Variants in RAB2A observed in about 807,000 individuals in gnomAD.
RAB2A encodes the protein RAB2A, member RAS oncogene family.
Under a neutral mutation model 32.5 loss-of-function variants are expected in RAB2A, and 7 were observed. The ratio of observed to expected loss-of-function variants is 0.22; its 90% CI spans 0.12 to 0.40. RAB2A has a LOEUF of 0.40. Among genes scored for constraint, RAB2A ranks in the 10% least tolerant of loss-of-function variants. RAB2A has a pLI of 1.00. For missense variants in RAB2A, 108 were observed against 260.7 expected, an observed-to-expected ratio of 0.41 and a Z score of 4.03; for synonymous variants, 79 against 85.2, an observed-to-expected ratio of 0.93 and a Z score of 0.40.
chr8:60,591,344 A>G (rs1175296394), intron 5 of RAB2A, among the ~76,000 whole-genome samples: 1 of 148,050 alleles, frequency 6.8e-6, no homozygotes, highest in East Asian at 2.0e-4. Flanking sequence ...TGTCTATATC[A>G]ATTTTGCTTT....
chr8:60,524,268 C>G (rs1807345556), intron 1 of RAB2A, among the ~76,000 whole-genome samples: 1 of 152,158 alleles, frequency 6.6e-6, no homozygotes, highest in Non-Finnish European at 1.5e-5. Flanking sequence ...AATTCTTCAG[C>G]TCTCCTCCTC....
At chr8:60,620,259 C>T (rs1804507803) in intron 7 of RAB2A, among the ~76,000 whole-genome samples, 1 of 152,210 alleles carries the variant, frequency 6.6e-6, no homozygotes, top group Non-Finnish European at 1.5e-5. Flanking sequence ...CTCATATGCC[C>T]TTAGCCTGTA....
intron 3 of RAB2A, among the ~76,000 whole-genome samples, chr8:60,577,184 T>C (rs1442347466): frequency 3.3e-5 from 5 of 151,994 alleles, no homozygotes; most frequent in Non-Finnish European, 5.9e-5. Flanking sequence ...TACCTGGGAC[T>C]ACAGGCACTC....
intron 6 of RAB2A, among the ~76,000 whole-genome samples, chr8:60,605,762 T>C (rs1450848751): frequency 1.3e-5 from 2 of 151,464 alleles, no homozygotes; most frequent in Non-Finnish European, 2.9e-5. Context: ...ACCCAATGCC[T>C]GTGTCCCCAT....
intron 1 of RAB2A, among the ~76,000 whole-genome samples, chr8:60,521,728 C>G (rs963632416): frequency 1.3e-5 from 2 of 152,178 alleles, no homozygotes; most frequent in Non-Finnish European, 2.9e-5. Flanking sequence ...TCAAGCGATT[C>G]TCCTGCCTCA....
chr8:60,618,313 C>A (rs139971077), intron 6 of RAB2A, among the ~76,000 whole-genome samples: 116 of 152,242 alleles, frequency 7.6e-4, no homozygotes, highest in Non-Finnish European at 1.4e-3. Flanking sequence ...CCTTCTATTT[C>A]GACTTGAGTG....
chr8:60,529,325 AGC>A (rs1807441093), intron 1 of RAB2A, among the ~76,000 whole-genome samples: 1 of 152,182 alleles, frequency 6.6e-6, no homozygotes, highest in Non-Finnish European at 1.5e-5. Flanking sequence ...ACTTGATATT[AGC>A]GTGGATTATA....
chr8:60,540,412 A>G (rs1449095755), intron 1 of RAB2A, among the ~76,000 whole-genome samples: 2 of 152,124 alleles, frequency 1.3e-5, no homozygotes, highest in Admixed American at 1.3e-4. Context: ...GTTAAAAATG[A>G]AGATCATTTT....
At chr8:60,558,496 T>G in intron 1 of RAB2A, 1 of 507,026 alleles carries the variant, frequency 2.0e-6, no homozygotes. Flanking sequence ...CTATTAACTA[T>G]GCTTTAAATA....
At chr8:60,559,236 G>A (rs1262286767) in intron 2 of RAB2A, 5 of 250,170 alleles carry the variant, frequency 2.0e-5, no homozygotes, top group Non-Finnish European at 7.9e-6. Context: ...TCAGCTTGCT[G>A]GAAGTTAAAT....
intron 1 of RAB2A, among the ~76,000 whole-genome samples, chr8:60,525,482 G>A (rs904996242): frequency 3.9e-5 from 6 of 152,236 alleles, no homozygotes; most frequent in Middle Eastern, 3.4e-3. Context: ...TACAGTGGTA[G>A]AACAAAGATC....
chr8:60,605,749 T>C (rs1038531422), intron 6 of RAB2A, among the ~76,000 whole-genome samples: 1 of 151,600 alleles, frequency 6.6e-6, no homozygotes, highest in Non-Finnish European at 1.5e-5. Flanking sequence ...AATGGGAGTA[T>C]TTACCCAATG....
chr8:60,594,577 C>T (rs56362746), intron 6 of RAB2A, among the ~76,000 whole-genome samples: 6,807 of 152,228 alleles, frequency 0.045, 249 homozygotes, highest in East Asian at 0.16. Flanking sequence ...TGGTTTGCTG[C>T]ACCCACCAAG....
chr8:60,567,247 C>T (rs1276759424), intron 2 of RAB2A, among the ~76,000 whole-genome samples: 2 of 151,886 alleles, frequency 1.3e-5, no homozygotes, highest in Non-Finnish European at 2.9e-5. Context: ...TCCCGAGTAG[C>T]TGGAATTAGA....
chr8:60,547,909 G>A (rs1376965193), intron 1 of RAB2A, among the ~76,000 whole-genome samples: 1 of 121,000 alleles, frequency 8.3e-6, no homozygotes, highest in Non-Finnish European at 1.7e-5. Context: ...CCCGGACGGG[G>A]CGGCTGGCCG....
intron 1 of RAB2A, among the ~76,000 whole-genome samples, chr8:60,530,144 CTTT>C (rs1270851648): frequency 5.8e-5 from 6 of 104,142 alleles, no homozygotes; most frequent in Non-Finnish European, 6.0e-5. Flanking sequence ...ATTTTTTTTT[CTTT>C]TTTTTTTTTT....
intron 1 of RAB2A, among the ~76,000 whole-genome samples, chr8:60,521,807 G>C (rs563423815): frequency 6.6e-6 from 1 of 152,274 alleles, no homozygotes; most frequent in African/African-American, 2.4e-5. Context: ...TTTTAGTAGA[G>C]ATGGAGTTTT....
intron 1 of RAB2A, among the ~76,000 whole-genome samples, chr8:60,537,227 AT>A (rs556291118): frequency 3.3e-5 from 5 of 150,028 alleles, no homozygotes; most frequent in Admixed American, 6.7e-5. Flanking sequence ...TTTTGTTATA[AT>A]TTTTTTTTTG....
intron 6 of RAB2A, among the ~76,000 whole-genome samples, chr8:60,607,852 A>T (rs1804261877): frequency 6.6e-6 from 1 of 152,090 alleles, no homozygotes; most frequent in Admixed American, 6.6e-5. Flanking sequence ...GCTTCAAACC[A>T]TCTCATTATA....
Sources: allele counts gnomAD v4.1 joint callset (sites outside exome capture counted in the v4.1 genomes callset), GRCh38; gene constraint gnomAD v4.1.1; transcripts MANE v1.5; gene names NCBI Gene and HGNC (gene_info 2026-07-23, HGNC 2026-07-21).